The following RBFOX1 variants were observed in gnomAD, a reference collection of about 807,000 sequenced individuals.
The protein encoded by RBFOX1 is RNA binding protein fox-1 homolog 1.
In RBFOX1, 8 loss-of-function variants were observed where a neutral mutation model predicts 57.7. The observed-to-expected ratio is 0.14, with a 90% CI of 0.08 to 0.25. RBFOX1 has a LOEUF of 0.25. RBFOX1 is among the 10% of genes least tolerant of loss of function. The pLI is 1.00. For synonymous variants in RBFOX1, 326 were observed against 222.4 expected (o/e 1.47, Z -4.15); for missense variants, 611 against 548.5 (o/e 1.11, Z -1.14).
intron 3 of RBFOX1, among the ~76,000 whole-genome samples, chr16:7,015,167 T>C (rs1034059173): frequency 1.3e-5 from 2 of 152,156 alleles, no homozygotes; most frequent in Admixed American, 1.3e-4. Flanking sequence ...TCACTCTCAG[T>C]AGTCTGGATT....
intron 3 of RBFOX1, among the ~76,000 whole-genome samples, chr16:5,866,572 A>G (rs2057347729): frequency 6.6e-6 from 1 of 152,202 alleles, no homozygotes; most frequent in Non-Finnish European, 1.5e-5. Flanking sequence ...ATAGATGAAC[A>G]ATGTTGGGAG....
At chr16:6,603,697 C>G (rs2097885942) in intron 2 of RBFOX1, among the ~76,000 whole-genome samples, 1 of 152,166 alleles carries the variant, frequency 6.6e-6, no homozygotes, top group Non-Finnish European at 1.5e-5. Context: ...TACCCCAATC[C>G]TCTTCTTTCC....
intron 2 of RBFOX1, among the ~76,000 whole-genome samples, chr16:6,365,007 C>T (rs895813568): frequency 6.6e-6 from 1 of 152,082 alleles, no homozygotes; most frequent in Non-Finnish European, 1.5e-5. Flanking sequence ...TGGGAGGGTA[C>T]CTCCTTCACT....
chr16:5,512,300 C>T (rs150112774), intron 2 of RBFOX1, among the ~76,000 whole-genome samples: 11 of 152,212 alleles, frequency 7.2e-5, no homozygotes, highest in East Asian at 1.9e-4. Flanking sequence ...CATCAAATAG[C>T]GGAAGACCAG....
chr16:7,360,695 A>G lies in RBFOX1; in HGVS notation c.28-157452A>G, dbSNP rs190798140. ...CCTGTGTCCCTGGGATCTGTTGTAAATCTTCTCTGGATAATGCTGTCAACA... is the reference window on the plus strand; with the variant it reads ...CCTGTGTCCCTGGGATCTGTTGTAAGTCTTCTCTGGATAATGCTGTCAACA... On this transcript the variant is annotated intron_variant, in intron 4 of 15. Coordinates refer to ENST00000550418, the MANE Select transcript of RBFOX1 (RefSeq NM_018723.4). Among the ~76,000 whole-genome samples the G allele has an allele frequency of 5.3e-5, 8 of 152,248 alleles. No individual in the cohort carries two copies. In the East Asian group the frequency reaches 9.7e-4, roughly 18 times the overall value.
chr16:6,186,370 G>T (rs1283488935), intron 1 of RBFOX1, among the ~76,000 whole-genome samples: 1 of 152,192 alleles, frequency 6.6e-6, no homozygotes, highest in Non-Finnish European at 1.5e-5. Flanking sequence ...AAGATAAATA[G>T]AGAGGATCAT....
intron 3 of RBFOX1, among the ~76,000 whole-genome samples, chr16:7,028,618 A>C (rs1181462726): frequency 2.0e-5 from 3 of 148,722 alleles, no homozygotes; most frequent in African/African-American, 5.1e-5. Context: ...ACAAAAAAAA[A>C]AAAAAAAAAA....
chr16:5,550,939 C>T (rs2045437638), intron 2 of RBFOX1, among the ~76,000 whole-genome samples: 1 of 152,180 alleles, frequency 6.6e-6, no homozygotes, highest in African/African-American at 2.4e-5. Context: ...GAAACCACAG[C>T]TGATGGGCAA....
At chr16:7,197,449 A>G (rs1399537476) in intron 4 of RBFOX1, among the ~76,000 whole-genome samples, 6 of 150,698 alleles carry the variant, frequency 4.0e-5, no homozygotes, top group African/African-American at 1.5e-4. Flanking sequence ...GGAAAAAAAA[A>G]AAAAAAAAAA....
At chr16:6,841,075 T>G (rs1197307912) in intron 3 of RBFOX1, among the ~76,000 whole-genome samples, 1 of 152,116 alleles carries the variant, frequency 6.6e-6, no homozygotes, top group Non-Finnish European at 1.5e-5. Context: ...GTTTGTTTGT[T>G]TTTAATTTTT....
At chr16:7,022,024 T>TC (rs1555780038) in intron 3 of RBFOX1, among the ~76,000 whole-genome samples, 4 of 2,368 alleles carry the variant, frequency 1.7e-3, no homozygotes, top group African/African-American at 9.0e-3. Context: ...CCCTTCCCCC[T>TC]CCCCTTCCCC....
intron 4 of RBFOX1, among the ~76,000 whole-genome samples, chr16:7,501,732 C>A (rs1160108631): frequency 6.6e-6 from 1 of 152,220 alleles, no homozygotes; most frequent in Non-Finnish European, 1.5e-5. Flanking sequence ...GCTTCCTGCT[C>A]TTCAAGAACA....
rs757609595 is a variant in RBFOX1, at chr16:6,689,787, C to T, written c.-16+35137C>T. Among the ~76,000 whole-genome samples the T allele has an allele frequency of 5.8e-4, 89 of 152,298 alleles. 1 individual carries two copies. Among genetic ancestry groups the T allele is most frequent in the Non-Finnish European group, 2.4e-4 (16 of 68,032 alleles). On this transcript the variant is annotated intron_variant, in intron 3 of 15. Transcript: ENST00000550418. ...CCCAGCTGTTTTGTTTCTCCGTCTT[C>T]CTACGGGGAGAGACTCAATGCACAG...
In RBFOX1 at chr16:6,210,345, C is replaced by CAAAACAAAAAAAAAACCAAAAAAAAAA; in HGVS notation, c.-126-106646_-126-106645insCAAAAAAAAAACCAAAAAAAAAAAAAA. ...AAAAAAAAACAAAAAAACAAAAAAA[C>CAAAACAAAAAAAAAACCAAAAAAAAAA]AAAAAAAAAAAACACCAAAAAAAAA... is the stretch of plus-strand genomic sequence containing the variant. On this transcript the variant is annotated intron_variant, in intron 1 of 15. Transcript: ENST00000550418. Among the ~76,000 whole-genome samples, 2 of 26,012 alleles carry CAAAACAAAAAAAAAACCAAAAAAAAAA rather than the reference C, an allele frequency of 7.7e-5. 1 individual carries two copies. The highest frequency in any genetic ancestry group is 4.1e-3 in the East Asian group (2 of 482). 17.1% of individuals were successfully genotyped at this position (26,012 alleles called of 152,430 possible).
At chr16:6,285,892 C>G (rs995135746) in intron 1 of RBFOX1, among the ~76,000 whole-genome samples, 2 of 152,092 alleles carry the variant, frequency 1.3e-5, no homozygotes, top group African/African-American at 4.8e-5. Context: ...AGGAACGCAA[C>G]AATAAATCAT....
At chr16:5,400,373 G>A (rs948023741) in intron 1 of RBFOX1, among the ~76,000 whole-genome samples, 6 of 152,070 alleles carry the variant, frequency 3.9e-5, no homozygotes, top group African/African-American at 9.7e-5. Flanking sequence ...GGTTACAGGC[G>A]TGAGCCACCA....
intron 3 of RBFOX1, among the ~76,000 whole-genome samples, chr16:5,727,790 T>C (rs978411358): frequency 2.6e-5 from 4 of 152,148 alleles, no homozygotes; most frequent in African/African-American, 4.8e-5. Context: ...TGGATTCACG[T>C]GATCCTCCTG....
chr16:7,015,369 CCA>C (rs1442982345), intron 3 of RBFOX1, among the ~76,000 whole-genome samples: 31 of 152,274 alleles, frequency 2.0e-4, no homozygotes, highest in African/African-American at 7.2e-4. Context: ...GGCATCAGAA[CCA>C]CCTCAGAGTT....
chr16:5,370,570 G>A (rs566586722), intron 1 of RBFOX1, among the ~76,000 whole-genome samples: 15 of 151,746 alleles, frequency 9.9e-5, no homozygotes, highest in Middle Eastern at 3.4e-3. Context: ...TCAGCTCAGC[G>A]TAGCCTCTAA....
Sources: allele counts gnomAD v4.1 joint callset (sites outside exome capture counted in the v4.1 genomes callset), GRCh38; gene constraint gnomAD v4.1.1; transcripts MANE v1.5; gene names NCBI Gene and HGNC (gene_info 2026-07-23, HGNC 2026-07-21).